Variants in CSMD1 observed in about 807,000 individuals in gnomAD.
CSMD1 encodes CUB and sushi domain-containing protein 1.
A neutral mutation model predicts 417.5 loss-of-function variants in CSMD1; 213 were observed. That is an observed-to-expected ratio of 0.51 (90% confidence interval 0.46 to 0.57). CSMD1 has a LOEUF of 0.57. Among genes scored for constraint, CSMD1 ranks in the 20% least tolerant of loss-of-function variants. CSMD1 has a pLI of 0.00. For missense variants in CSMD1, 6,923 were observed against 4,529.7 expected (o/e 1.53, Z -15.17); for synonymous variants, 2,862 against 1,736.8 (o/e 1.65, Z -16.11).
chr8:4,193,616 C>T (rs1284851258), intron 3 of CSMD1, among the ~76,000 whole-genome samples: 1 of 152,156 alleles, frequency 6.6e-6, no homozygotes, highest in Admixed American at 6.5e-5. Context: ...TCTGAGGAGC[C>T]AATGAGTGTG....
intron 1 of CSMD1, among the ~76,000 whole-genome samples, chr8:4,916,308 CA>C (rs1423113481): frequency 6.6e-6 from 1 of 152,188 alleles, no homozygotes; most frequent in Non-Finnish European, 1.5e-5. Flanking sequence ...TTCACATCAG[CA>C]GATATTGTTG....
intron 5 of CSMD1, among the ~76,000 whole-genome samples, chr8:3,982,770 G>C (rs1449045753): frequency 1.3e-5 from 2 of 152,252 alleles, no homozygotes; most frequent in East Asian, 3.9e-4. Flanking sequence ...ACAGATAATG[G>C]ACAGGGCCAG....
At chr8:3,598,321 G>C (rs906206513) in intron 8 of CSMD1, 4 of 152,196 alleles carry the variant, frequency 2.6e-5, no homozygotes, top group Non-Finnish European at 5.9e-5. Flanking sequence ...CCTCTATGTA[G>C]TTATGCATTT....
chr8:4,442,761 C>G (rs1017507077), intron 2 of CSMD1, among the ~76,000 whole-genome samples: 15 of 152,074 alleles, frequency 9.9e-5, no homozygotes, highest in Non-Finnish European at 2.9e-5. Flanking sequence ...GCATATAATC[C>G]AAAGACAGTA....
chr8:3,674,439 C>A (rs1319974946), intron 7 of CSMD1, among the ~76,000 whole-genome samples: 6 of 152,028 alleles, frequency 3.9e-5, no homozygotes, highest in Non-Finnish European at 8.8e-5. Context: ...GAAAATACCA[C>A]CATGGCTATT....
intron 6 of CSMD1, among the ~76,000 whole-genome samples, chr8:3,733,180 C>T (rs1473318943): frequency 1.4e-5 from 2 of 143,592 alleles, no homozygotes; most frequent in Non-Finnish European, 3.0e-5. Context: ...CACACACACA[C>T]ACACACACAC....
At chr8:4,587,651 A>G (rs568937604) in intron 2 of CSMD1, among the ~76,000 whole-genome samples, 4 of 152,274 alleles carry the variant, frequency 2.6e-5, no homozygotes, top group African/African-American at 7.2e-5. Flanking sequence ...TCATTTACTG[A>G]AGAGAACTAT....
At chr8:3,130,094 A>C (rs1242444239) in intron 41 of CSMD1, among the ~76,000 whole-genome samples, 1 of 152,160 alleles carries the variant, frequency 6.6e-6, no homozygotes, top group Non-Finnish European at 1.5e-5. Flanking sequence ...ATTGACAGTT[A>C]ATGGTTTATG....
chr8:4,424,253 A>G (rs1223002648), intron 2 of CSMD1, among the ~76,000 whole-genome samples: 1 of 152,108 alleles, frequency 6.6e-6, no homozygotes, highest in African/African-American at 2.4e-5. Flanking sequence ...ATAAAAGTGT[A>G]TGCTGCAGAC....
intron 5 of CSMD1, among the ~76,000 whole-genome samples, chr8:3,764,735 CTTTCTT>C (rs1318126244): frequency 1.9e-5 from 2 of 105,406 alleles, no homozygotes; most frequent in East Asian, 3.1e-4. Flanking sequence ...GCCCTTTTCT[CTTTCTT>C]TTTTTTTTTT....
At chr8:4,721,319 G>C (rs1171811320) in intron 1 of CSMD1, among the ~76,000 whole-genome samples, 2 of 152,134 alleles carry the variant, frequency 1.3e-5, no homozygotes, top group Non-Finnish European at 2.9e-5. Context: ...TAGTTGGTGG[G>C]TTTGATGAGT....
Position 3,348,037 on chromosome 8 carries a change from G to C in CSMD1, c.3429C>G (p.His1143Gln). 6.2e-7 allele frequency: 1 copy of C among 1,609,842 alleles called. No homozygotes were observed. Among genetic ancestry groups the C allele is most frequent in the Non-Finnish European group, 8.5e-7 (1 of 1,177,838 alleles). Reference protein sequence around the residue: ...KIETEAGKGIHLRTRSFQLFE... With the variant: ...KIETEAGKGIQLRTRSFQLFE... ...ACAGCTGGAAGCTTCGTGTTCTAAG[G>C]TGGATGCCCTTGCCGGCTTCTGTTT... The change falls in exon 22 of 70, where the codon CAC (histidine) becomes CAG (glutamine). Residue 1143 changes from histidine to glutamine, a missense_variant. His to Gln is a conservative substitution (Grantham distance 24, BLOSUM62 0). Transcript: ENST00000635120.
intron 5 of CSMD1, among the ~76,000 whole-genome samples, chr8:3,762,722 C>T (rs977431716): frequency 3.9e-5 from 6 of 152,146 alleles, no homozygotes; most frequent in African/African-American, 9.7e-5. Context: ...CAAAGATGGT[C>T]GGGGGGAGCC....
chr8:3,905,717 A>T lies in CSMD1; in HGVS notation c.818+92186T>A, dbSNP rs17067886. 2.8e-3 allele frequency among the ~76,000 whole-genome samples: 420 copies of T among 152,282 alleles called. 2 individuals are homozygous for T. Among genetic ancestry groups the T allele is most frequent in the African/African-American group, 9.6e-3 (401 of 41,564 alleles). On this transcript the variant is annotated intron_variant, in intron 5 of 69. Coordinates refer to ENST00000635120, the MANE Select transcript of CSMD1 (RefSeq NM_033225.6). ...ACTCAGTATCTCCTTATCCACATCC[A>T]AGTCCACGCAGATAATAGACTCGTC...
chr8:4,994,227 G>A (rs1241400704), intron 1 of CSMD1, 105 bp downstream of exon 1: 2 of 964,732 alleles, frequency 2.1e-6, no homozygotes, highest in African/African-American at 3.2e-5. Context: ...GCCGGGCAGA[G>A]GCGGCCACTC....
intron 21 of CSMD1, among the ~76,000 whole-genome samples, chr8:3,356,756 G>T (rs919985906): frequency 6.6e-6 from 1 of 152,218 alleles, no homozygotes; most frequent in Non-Finnish European, 1.5e-5. Flanking sequence ...AAGAGCCCTG[G>T]TGCTCTGTGG....
chr8:4,629,934 C>T (rs1187025590), intron 2 of CSMD1, among the ~76,000 whole-genome samples: 1 of 152,144 alleles, frequency 6.6e-6, no homozygotes, highest in African/African-American at 2.4e-5. Flanking sequence ...TCCCAGGAAG[C>T]TCCTTCTCTC....
intron 3 of CSMD1, among the ~76,000 whole-genome samples, chr8:4,241,176 T>C (rs1802376079): frequency 6.6e-6 from 1 of 152,192 alleles, no homozygotes; most frequent in Non-Finnish European, 1.5e-5. Context: ...AATGAAATCC[T>C]GATCGTGAAC....
chr8:4,859,737 A>C (rs540581636), intron 1 of CSMD1, among the ~76,000 whole-genome samples: 10 of 151,926 alleles, frequency 6.6e-5, no homozygotes, highest in Non-Finnish European at 1.5e-4. Context: ...TTAGAATGGC[A>C]ATCATTAAAA....
Sources: gnomAD v4.1 joint callset for allele counts (sites outside exome capture counted in the v4.1 genomes callset) on GRCh38, gnomAD v4.1.1 for gene constraint, MANE v1.5 for transcripts, NCBI Gene and HGNC (gene_info 2026-07-23, HGNC 2026-07-21) for gene names.